The following C8orf34 variants were observed in gnomAD, a reference collection of about 807,000 sequenced individuals.
C8orf34 encodes chromosome 8 open reading frame 34, also known as uncharacterized protein C8orf34.
Under a neutral mutation model 68.3 loss-of-function variants are expected in C8orf34, and 65 were observed. The ratio of observed to expected loss-of-function variants is 0.95; its 90% CI spans 0.78 to 1.17. The LOEUF (loss-of-function observed/expected upper bound fraction) is 1.17, where lower values mean the gene tolerates loss of function less well. Ranked by LOEUF, C8orf34 falls within the 50% of genes most tolerant of loss-of-function variation. The pLI, the probability that C8orf34 is intolerant of heterozygous loss-of-function variation, is 0.00. For synonymous variants in C8orf34, 244 were observed against 241.2 expected (o/e 1.01, Z -0.11); for missense variants, 664 against 655.4 (o/e 1.01, Z -0.14).
At chr8:68,339,315 C>G (rs1436417958) in intron 1 of C8orf34, among the ~76,000 whole-genome samples, 4 of 151,886 alleles carry the variant, frequency 2.6e-5, no homozygotes, top group Non-Finnish European at 4.4e-5. Context: ...GTATCTTTTA[C>G]AATTACCTGT....
At chr8:68,477,817 C>T (rs1412699287) in intron 4 of C8orf34, among the ~76,000 whole-genome samples, 2 of 152,218 alleles carry the variant, frequency 1.3e-5, no homozygotes, top group African/African-American at 2.4e-5. Flanking sequence ...CACATGGAAG[C>T]CACCAAGACT....
chr8:68,642,499 T>C (rs544506486), intron 8 of C8orf34, among the ~76,000 whole-genome samples: 3 of 152,324 alleles, frequency 2.0e-5, no homozygotes, highest in Non-Finnish European at 4.4e-5. Flanking sequence ...GTTTTATGCA[T>C]ACTAGGAAAA....
intron 7 of C8orf34, among the ~76,000 whole-genome samples, chr8:68,608,385 G>A (rs1186497566): frequency 6.6e-6 from 1 of 152,024 alleles, no homozygotes; most frequent in Non-Finnish European, 1.5e-5. Context: ...AACCACTCTA[G>A]AGCTATGGGG....
Position 68,532,978 on chromosome 8 carries a change from T to A in C8orf34, c.939-5T>A. On this transcript the variant is annotated splice_region_variant and splice_polypyrimidine_tract_variant and intron_variant, in intron 6 of 13. Coordinates refer to ENST00000518698, the MANE Select transcript of C8orf34 (RefSeq NM_052958.4). ...CAGCTAATTAACATTTAAATATTTC[T>A]TCAGCTTAAAGATGGAGCCTAAGAA... 6.4e-7 allele frequency: 1 copy of A among 1,562,064 alleles called. No homozygotes were observed. The highest frequency in any genetic ancestry group is 1.4e-5 in the African/African-American group (1 of 72,434).
chr8:68,617,285 A>T (rs984499880), intron 7 of C8orf34, among the ~76,000 whole-genome samples: 4 of 152,164 alleles, frequency 2.6e-5, no homozygotes, highest in Non-Finnish European at 5.9e-5. Context: ...GTCCATTTAC[A>T]TTTAAAGTTA....
At chr8:68,754,777 C>T in intron 10 of C8orf34, among the ~76,000 whole-genome samples, 1 of 152,122 alleles carries the variant, frequency 6.6e-6, no homozygotes, top group Non-Finnish European at 1.5e-5. Flanking sequence ...GGAAAAAGTA[C>T]ACTTAGAATT....
At position 68,721,437 on chromosome 8, in the gene C8orf34, T is replaced by A. The variant is rs1255343151; in HGVS notation, c.1404T>A (p.Pro468=). ...AGAAAGCATCTAAACTAACAGGACCTGTAAGTATATTCATTGACTTATTTT... is the reference window on the plus strand; with the variant it reads ...AGAAAGCATCTAAACTAACAGGACCAGTAAGTATATTCATTGACTTATTTT... ...EFEKASKLTG[P]GEASSGVGHS... Residue 468 remains proline, a splice_region_variant and synonymous_variant, in exon 10 of 14, where the codon CCT becomes CCA. Transcript: ENST00000518698. 1.9e-6 allele frequency: 3 copies of A among 1,593,858 alleles called. No individual in the cohort carries two copies. The South Asian group carries it at 3.4e-5, about 18-fold the overall frequency.
chr8:68,623,926 A>G (rs2130652192), intron 7 of C8orf34, among the ~76,000 whole-genome samples: 1 of 152,262 alleles, frequency 6.6e-6, no homozygotes. Context: ...GCAGTACCTA[A>G]GAGAGTGATT....
At chr8:68,751,908 A>C (rs1822719496) in intron 10 of C8orf34, among the ~76,000 whole-genome samples, 1 of 151,722 alleles carries the variant, frequency 6.6e-6, no homozygotes, top group African/African-American at 2.4e-5. Context: ...ATAAACTCAA[A>C]ATCTCTTGTA....
At chr8:68,791,999 A>G (rs1437953019) in intron 12 of C8orf34, 6 of 152,180 alleles carry the variant, frequency 3.9e-5, no homozygotes, top group Non-Finnish European at 5.9e-5. Context: ...AACTATCTGT[A>G]TTGTCAGAAA....
intron 1 of C8orf34, among the ~76,000 whole-genome samples, chr8:68,362,630 G>A (rs997159613): frequency 6.6e-6 from 1 of 152,154 alleles, no homozygotes; most frequent in Non-Finnish European, 1.5e-5. Context: ...CCCAGCAGGG[G>A]CACACTGACA....
chr8:68,521,758 A>T, intron 5 of C8orf34, 41 bp from the exon 6 acceptor site: 1 of 1,547,778 alleles, frequency 6.5e-7, no homozygotes, highest in Non-Finnish European at 8.8e-7. Flanking sequence ...TGTTAATAAG[A>T]AAAAGCCATC....
intron 7 of C8orf34, chr8:68,534,705 A>T: frequency 1.0e-6 from 1 of 985,308 alleles, no homozygotes; most frequent in African/African-American, 1.7e-5. Flanking sequence ...CCATAACTAT[A>T]CCTGTAAATG....
At chr8:68,408,970 G>A (rs1418342911) in intron 1 of C8orf34, among the ~76,000 whole-genome samples, 1 of 152,038 alleles carries the variant, frequency 6.6e-6, no homozygotes, top group Non-Finnish European at 1.5e-5. Context: ...TGTATTTTTA[G>A]TAGAGACGCG....
intron 8 of C8orf34, among the ~76,000 whole-genome samples, chr8:68,702,238 G>A (rs140549946): frequency 7.2e-4 from 109 of 151,990 alleles, no homozygotes; most frequent in African/African-American, 2.4e-3. Context: ...TCCTTACTCC[G>A]TGCTTCTGCT....
chr8:68,718,691 A>C (rs180743915), intron 9 of C8orf34, among the ~76,000 whole-genome samples: 1 of 152,344 alleles, frequency 6.6e-6, no homozygotes, highest in Non-Finnish European at 1.5e-5. Context: ...TGTGCATAAA[A>C]AAGTCTGTTG....
At chr8:68,595,471 CTA>C (rs934520915) in intron 7 of C8orf34, among the ~76,000 whole-genome samples, 1 of 151,938 alleles carries the variant, frequency 6.6e-6, no homozygotes, top group Non-Finnish European at 1.5e-5. Context: ...TATAGATAAT[CTA>C]TTTTTTGTCT....
At chr8:68,720,692 C>G (rs1309671675) in intron 9 of C8orf34, among the ~76,000 whole-genome samples, 1 of 151,718 alleles carries the variant, frequency 6.6e-6, no homozygotes, top group Non-Finnish European at 1.5e-5. Flanking sequence ...ATTTACCTAT[C>G]CCTATCACAG....
At chr8:68,454,465 A>G (rs1224378633) in intron 3 of C8orf34, among the ~76,000 whole-genome samples, 1 of 151,966 alleles carries the variant, frequency 6.6e-6, no homozygotes, top group Admixed American at 6.6e-5. Context: ...CTATTCTGAT[A>G]TTCTATTTCC....
Sources: gnomAD v4.1 joint callset for allele counts (sites outside exome capture counted in the v4.1 genomes callset) on GRCh38, gnomAD v4.1.1 for gene constraint, MANE v1.5 for transcripts, NCBI Gene and HGNC (gene_info 2026-07-23, HGNC 2026-07-21) for gene names.